ANXA11: variants seen among roughly 807,000 people sequenced by gnomAD.
The protein encoded by ANXA11 is 56 kDa autoantigen.
ANXA11 carries 57 observed loss-of-function variants against 64.7 expected under a neutral mutation model. The observed-to-expected ratio is 0.88, with a 90% CI of 0.71 to 1.10. The LOEUF is 1.10. Ranked by LOEUF, ANXA11 falls within the 50% of genes least tolerant of loss-of-function variation. The pLI, the probability that ANXA11 is intolerant of heterozygous loss-of-function variation, is 0.00. For synonymous variants in ANXA11, 260 were observed against 265.2 expected, an observed-to-expected ratio of 0.98 and a Z score of 0.19; for missense variants, 675 against 670.7, an observed-to-expected ratio of 1.01 and a Z score of -0.07.
chr10:80,159,509 C>T (rs1341793395), intron 12 of ANXA11, among the ~76,000 whole-genome samples: 1 of 152,148 alleles, frequency 6.6e-6, no homozygotes. Context: ...GGATATCTGG[C>T]CTTCAAAACT....
intron 1 of ANXA11, among the ~76,000 whole-genome samples, chr10:80,203,868 G>A (rs966034853): frequency 4.6e-5 from 7 of 152,196 alleles, no homozygotes; most frequent in African/African-American, 7.2e-5. Context: ...GACGGTTCAG[G>A]AGAAGTGCAT....
intron 12 of ANXA11, among the ~76,000 whole-genome samples, chr10:80,161,540 T>C (rs1483508005): frequency 6.6e-6 from 1 of 152,250 alleles, no homozygotes; most frequent in African/African-American, 2.4e-5. Context: ...CTCCACCACC[T>C]GACAGACTGA....
intron 1 of ANXA11, among the ~76,000 whole-genome samples, chr10:80,190,202 C>A (rs1190594205): frequency 3.9e-5 from 6 of 152,186 alleles, no homozygotes; most frequent in Non-Finnish European, 2.9e-5. Flanking sequence ...GACTGTTGCA[C>A]AACGAAGTGA....
rs75344562 is a variant in ANXA11, at chr10:80,166,037, C to T, written c.858+47G>A. On this transcript the variant is annotated intron_variant, in intron 8 of 15. Transcript: ENST00000422982. The stretch of plus-strand genomic sequence containing the variant: ...ACACGCATGCGCGCGTGCGCACACA[C>T]GCGCGCACACACACACACACACACA... 0.17 allele frequency: 111,172 copies of T among 648,052 alleles called. 4,821 individuals carry two copies. The highest frequency in any genetic ancestry group is 0.27 in the Admixed American group (8,574 of 31,500). 40.1% of individuals were successfully genotyped at this position (648,052 alleles called of 1,614,324 possible). A position where few individuals can be genotyped will look rare whatever the true frequency, so the allele number is the denominator to read the frequency against.
At chr10:80,166,678 G>A in intron 7 of ANXA11, 1 of 582,022 alleles carries the variant, frequency 1.7e-6, no homozygotes, top group Non-Finnish European at 3.1e-6. Flanking sequence ...CCCAGGGATA[G>A]ATGTCTGGAG....
intron 1 of ANXA11, among the ~76,000 whole-genome samples, chr10:80,204,324 A>G (rs1379538271): frequency 6.6e-6 from 1 of 152,196 alleles, no homozygotes; most frequent in Non-Finnish European, 1.5e-5. Flanking sequence ...ATCCCCAACA[A>G]TTGACTGCCG....
chr10:80,171,440 A>C (rs1845973303), intron 3 of ANXA11, among the ~76,000 whole-genome samples: 1 of 152,246 alleles, frequency 6.6e-6, no homozygotes, highest in Non-Finnish European at 1.5e-5. Flanking sequence ...CACAGATACC[A>C]GTCCACAAGA....
intron 13 of ANXA11, among the ~76,000 whole-genome samples, chr10:80,158,881 AAC>A (rs1011005215): frequency 6.6e-6 from 1 of 152,186 alleles, no homozygotes; most frequent in Non-Finnish European, 1.5e-5. Context: ...CTGCACCGCA[AAC>A]ACACACAAGA....
In ANXA11 at chr10:80,152,242, T is replaced by C. The variant is rs1337026203; in HGVS notation, c.*3611A>G. On this transcript the variant is annotated 3_prime_UTR_variant, in exon 16 of 16. Transcript: ENST00000422982. ...GCAGGAGAAGACCCATTGTGTTCTA[T>C]CCCAGAAAGATGACCTGTAAGGTTG... 3 of 152,224 alleles carry C rather than the reference T, an allele frequency of 2.0e-5. No homozygotes were observed. The East Asian group carries it at 5.8e-4, about 29-fold the overall frequency. The allele number at this position is 152,224 out of a possible 1,614,324, so 9.4% of individuals were successfully genotyped here.
rs758902676 is a variant in ANXA11 at position 80,163,347 on chromosome 10, A to G, written c.1086+2T>C. 6.2e-6 allele frequency: 10 copies of G among 1,612,964 alleles called. No homozygotes were observed. Among genetic ancestry groups the G allele is most frequent in the Middle Eastern group, 1.9e-4 (1 of 5,166 alleles). On this transcript the variant is annotated splice_donor_variant, in intron 11 of 15. Transcript: ENST00000422982. LOFTEE classifies it high-confidence loss of function. ...GTCCAGGGGCTTGGCCATCACACTC[A>G]CCTGGGCATCTCTCTGGGCGAGTGA...
intron 1 of ANXA11, among the ~76,000 whole-genome samples, chr10:80,190,078 CAG>C (rs1278512845): frequency 1.3e-5 from 2 of 152,174 alleles, no homozygotes; most frequent in Non-Finnish European, 2.9e-5. Flanking sequence ...TTCCTAAGGA[CAG>C]AAAGTAGACT....
At chr10:80,157,047 T>C (rs763051409) in intron 15 of ANXA11, 84 of 985,258 alleles carry the variant, frequency 8.5e-5, no homozygotes, top group Non-Finnish European at 9.6e-5. Context: ...TAGTGTTTAA[T>C]AGACACTTGA....
Position 80,191,749 on chromosome 10 carries a change from G to A in ANXA11, c.-58+13594C>T, listed in dbSNP as rs118150702. On this transcript the variant is annotated intron_variant, in intron 1 of 15. Coordinates refer to ENST00000422982, the MANE Select transcript of ANXA11 (RefSeq NM_145868.2). ...AGTGGCTTCCGTGTGGCCAGGCTAC[G>A]CATGCCCAGTCAGCATTTGCCCAGT... 2.0e-3 allele frequency among the ~76,000 whole-genome samples: 307 copies of A among 152,306 alleles called. 4 individuals carry two copies. The East Asian group carries it at 0.022, about 11-fold the overall frequency.
intron 15 of ANXA11, among the ~76,000 whole-genome samples, chr10:80,156,113 G>T (rs570730168): frequency 6.6e-6 from 1 of 152,236 alleles, no homozygotes; most frequent in East Asian, 1.9e-4. Flanking sequence ...ATCAGAAGAC[G>T]GAAAGCAGCA....
chr10:80,166,023 C>A, intron 8 of ANXA11, 61 bp downstream of exon 8: 2 of 1,043,820 alleles, frequency 1.9e-6, no homozygotes, highest in South Asian at 1.4e-5. Context: ...CACGCATGCG[C>A]GCGTGCGCAC....
chr10:80,171,302 GCT>G, intron 3 of ANXA11: 1 of 1,025,388 alleles, frequency 9.8e-7, no homozygotes. Context: ...ACCATAGGGA[GCT>G]CTGAGATTTC....
intron 12 of ANXA11, among the ~76,000 whole-genome samples, chr10:80,161,039 C>CT (rs1329833795): frequency 1.4e-4 from 21 of 152,332 alleles, no homozygotes; most frequent in African/African-American, 4.8e-4. Context: ...GGCTTCGCTG[C>CT]TTGGCCTTGC....
rs746042070 is a variant in ANXA11, at chr10:80,159,144, C to A, written c.1232G>T (p.Cys411Phe). 1.2e-6 allele frequency: 2 copies of A among 1,614,194 alleles called. No homozygotes were observed. The highest frequency in any genetic ancestry group is 1.7e-6 in the Non-Finnish European group (2 of 1,180,036). The change falls in exon 13 of 16, where the codon TGC (cysteine) becomes TTC (phenylalanine). Residue 411 changes from cysteine to phenylalanine, a missense_variant. Coordinates refer to ENST00000422982, the MANE Select transcript of ANXA11 (RefSeq NM_145868.2). ...MTGRDIEKSI[C>F]REMSGDLEEG... ...CTCCAGGTCCCCGGACATCTCCCGG[C>A]AGATGCTCTTCTCAATGTCCCGGCC...
chr10:80,174,194 CCA>C (rs1453032954), intron 2 of ANXA11, among the ~76,000 whole-genome samples: 1 of 152,070 alleles, frequency 6.6e-6, no homozygotes, highest in African/African-American at 2.4e-5. Context: ...ACATGTGCCA[CCA>C]CACACAGCTA....
Sources: allele counts gnomAD v4.1 joint callset (sites outside exome capture counted in the v4.1 genomes callset), GRCh38; gene constraint gnomAD v4.1.1; transcripts MANE v1.5; gene names NCBI Gene and HGNC (gene_info 2026-07-23, HGNC 2026-07-21).